PLGRKT: variants seen among roughly 807,000 people sequenced by gnomAD.
PLGRKT encodes plasminogen receptor (KT).
A neutral mutation model predicts 18.5 loss-of-function variants in PLGRKT; 22 were observed. That is an observed-to-expected ratio of 1.19 (90% CI 0.85 to 1.70). The LOEUF is 1.70. PLGRKT is among the 40% of genes most tolerant of loss of function. PLGRKT has a pLI of 0.00. For synonymous variants in PLGRKT, 72 were observed against 52.8 expected, an observed-to-expected ratio of 1.36 and a Z score of -1.58; for missense variants, 235 against 174.4, an observed-to-expected ratio of 1.35 and a Z score of -1.96.
chr9:5,428,569 C>T (rs965497555), intron 3 of PLGRKT, among the ~76,000 whole-genome samples: 12 of 152,314 alleles, frequency 7.9e-5, no homozygotes, highest in South Asian at 2.1e-4. Context: ...CATTCTGGGA[C>T]GAGGAGCCAA....
At chr9:5,438,123 G>A (rs375253286), upstream of PLGRKT, among the ~76,000 whole-genome samples, 5 of 152,176 alleles carry the variant, frequency 3.3e-5, no homozygotes, top group African/African-American at 9.6e-5. Context: ...TCAATTAAAG[G>A]CCTCTGTCCC....
At position 5,393,774 on chromosome 9, in the gene PLGRKT, ATTTAACCATT is replaced by A. The variant is rs1008311787; in HGVS notation, c.82-31896_82-31887del. 1.9e-4 allele frequency among the ~76,000 whole-genome samples: 29 copies of A among 151,998 alleles called. 2 individuals carry two copies. Among genetic ancestry groups the A allele is most frequent in the African/African-American group, 6.8e-4 (28 of 41,294 alleles). On this transcript the variant is annotated intron_variant, in intron 3 of 5. Transcript: ENST00000223864. Reference sequence around the variant, plus strand: ...AATTAAGTAATTTCTTTCTAACAATATTTAACCATTTGCTGATTTAAAGTTGAGCTACTAT... The same window carrying A: ...AATTAAGTAATTTCTTTCTAACAATATGCTGATTTAAAGTTGAGCTACTAT...
intron 3 of PLGRKT, among the ~76,000 whole-genome samples, chr9:5,424,801 C>T (rs1818665059): frequency 6.7e-6 from 1 of 149,822 alleles, no homozygotes; most frequent in Admixed American, 6.7e-5. Context: ...AGTGATCCTC[C>T]TCCCAAGTAG....
chr9:5,413,160 A>G (rs1157607800), intron 3 of PLGRKT, among the ~76,000 whole-genome samples: 1 of 152,228 alleles, frequency 6.6e-6, no homozygotes, highest in African/African-American at 2.4e-5. Flanking sequence ...ACGTAGCAAT[A>G]TCTAACAAGT....
At chr9:5,387,892 G>A (rs1283128049) in intron 3 of PLGRKT, among the ~76,000 whole-genome samples, 2 of 151,796 alleles carry the variant, frequency 1.3e-5, no homozygotes, top group African/African-American at 4.9e-5. Context: ...CAGGGGTCTG[G>A]GGTAGAGTGA....
chr9:5,433,186 G>A (rs1469630725), intron 2 of PLGRKT, among the ~76,000 whole-genome samples: 3 of 148,146 alleles, frequency 2.0e-5, no homozygotes, highest in Non-Finnish European at 4.5e-5. Context: ...CTGCCCGGCC[G>A]CCACCCCGTC....
At chr9:5,427,205 A>T (rs1416214939) in intron 3 of PLGRKT, among the ~76,000 whole-genome samples, 1 of 152,194 alleles carries the variant, frequency 6.6e-6, no homozygotes. Context: ...AGTGTAGCCA[A>T]GCTGTCCACA....
chr9:5,377,051 G>A (rs1817642392), intron 3 of PLGRKT, among the ~76,000 whole-genome samples: 1 of 152,114 alleles, frequency 6.6e-6, no homozygotes. Flanking sequence ...GGCTGCCTGG[G>A]AAGTTAGAGA....
chr9:5,399,736 A>C (rs1185443654), intron 3 of PLGRKT, among the ~76,000 whole-genome samples: 3 of 151,744 alleles, frequency 2.0e-5, no homozygotes, highest in Non-Finnish European at 4.4e-5. Flanking sequence ...TGCCTGTAAT[A>C]CCAGCAATTT....
At chr9:5,369,033 G>A (rs1817458148) in intron 3 of PLGRKT, among the ~76,000 whole-genome samples, 4 of 152,140 alleles carry the variant, frequency 2.6e-5, no homozygotes, top group Admixed American at 2.6e-4. Context: ...ATACCATTCA[G>A]GACATAGGCA....
In PLGRKT at chr9:5,358,209, T is replaced by C; in HGVS notation, c.*30A>G. 1.9e-6 allele frequency: 3 copies of C among 1,568,378 alleles called. No homozygotes were observed. Among genetic ancestry groups the C allele is most frequent in the Non-Finnish European group, 8.7e-7 (1 of 1,143,044 alleles). On this transcript the variant is annotated 3_prime_UTR_variant, in exon 6 of 6. Coordinates refer to ENST00000223864, the MANE Select transcript of PLGRKT (RefSeq NM_018465.4). ...ACCATGATTCAAGTCAATAATTCTG[T>C]GCTTTGAGATTTGATTGGTAAGCAT...
At chr9:5,392,497 C>A (rs922005793) in intron 3 of PLGRKT, 2 of 151,912 alleles carry the variant, frequency 1.3e-5, no homozygotes, top group Non-Finnish European at 2.9e-5. Flanking sequence ...CATGTCTCGG[C>A]TTTTGCATAT....
chr9:5,437,077 T>C (rs1422062065), intron 1 of PLGRKT, among the ~76,000 whole-genome samples: 1 of 152,182 alleles, frequency 6.6e-6, no homozygotes, highest in African/African-American at 2.4e-5. Context: ...TCATTTTCCC[T>C]TTGATTCCTT....
intron 3 of PLGRKT, among the ~76,000 whole-genome samples, chr9:5,405,513 G>A (rs1321680559): frequency 6.6e-6 from 1 of 152,186 alleles, no homozygotes. Flanking sequence ...ATGGGGAAAG[G>A]ACTCCCTATT....
chr9:5,408,067 G>C (rs769196206), intron 3 of PLGRKT, among the ~76,000 whole-genome samples: 1 of 152,144 alleles, frequency 6.6e-6, no homozygotes, highest in Non-Finnish European at 1.5e-5. Flanking sequence ...GGAATAACTG[G>C]TCTAAATTTG....
chr9:5,424,668 T>TTATATATATATATGTGTA (rs1818655104), intron 3 of PLGRKT, among the ~76,000 whole-genome samples: 14 of 113,160 alleles, frequency 1.2e-4, no homozygotes, highest in African/African-American at 5.7e-4. Context: ...ATTATATATT[T>TTATATATATATATGTGTA]TATATATATA....
intron 3 of PLGRKT, among the ~76,000 whole-genome samples, chr9:5,407,652 CA>C (rs995501858): frequency 2.2e-3 from 311 of 141,430 alleles, no homozygotes; most frequent in Middle Eastern, 3.7e-3. Context: ...ACAAATTTTT[CA>C]AAAAAAAAAA....
intron 2 of PLGRKT, among the ~76,000 whole-genome samples, chr9:5,434,578 G>T (rs1011242851): frequency 6.7e-6 from 1 of 148,994 alleles, no homozygotes; most frequent in East Asian, 2.0e-4. Flanking sequence ...TCTGGGAAGT[G>T]GGCGCCTCTG....
Position 5,360,987 on chromosome 9 carries a change from GA to G in PLGRKT, c.322+90del. Reference sequence around the variant, plus strand: ...GAGGTTCAAAGAGAGAGTCTTGTCAGAATCTTTATAAGTCAAAGGTTCCTAA... The same window carrying G: ...GAGGTTCAAAGAGAGAGTCTTGTCAGATCTTTATAAGTCAAAGGTTCCTAA... On this transcript the variant is annotated intron_variant, in intron 5 of 5. Coordinates refer to ENST00000223864, the MANE Select transcript of PLGRKT (RefSeq NM_018465.4). 6.9e-6 allele frequency: 5 copies of G among 723,094 alleles called. No individual in the cohort carries two copies. In the South Asian group the frequency reaches 8.5e-5, roughly 12 times the overall value. 44.8% of individuals were successfully genotyped at this position (723,094 alleles called of 1,614,324 possible).
Sources: allele counts gnomAD v4.1 joint callset (sites outside exome capture counted in the v4.1 genomes callset), GRCh38; gene constraint gnomAD v4.1.1; transcripts MANE v1.5; gene names NCBI Gene and HGNC (gene_info 2026-07-23, HGNC 2026-07-21).